CD44: variants seen among roughly 807,000 people sequenced by gnomAD.
The protein encoded by CD44 is CD44 molecule (IN blood group), also known as CD44 antigen.
CD44 carries 49 observed loss-of-function variants against 88.8 expected under a neutral mutation model. The ratio of observed to expected loss-of-function variants is 0.55; its 90% CI spans 0.44 to 0.70. CD44 has a LOEUF of 0.70. Ranked by LOEUF, CD44 falls within the 30% of genes least tolerant of loss-of-function variation. The pLI, the probability that CD44 is intolerant of heterozygous loss-of-function variation, is 0.00. For missense variants in CD44, 883 were observed against 913.8 expected, an observed-to-expected ratio of 0.97 and a Z score of 0.43; for synonymous variants, 325 against 312.3, an observed-to-expected ratio of 1.04 and a Z score of -0.43.
intron 1 of CD44, among the ~76,000 whole-genome samples, chr11:35,155,091 G>A (rs563799554): frequency 3.9e-5 from 6 of 152,182 alleles, no homozygotes; most frequent in African/African-American, 1.2e-4. Flanking sequence ...TTGGAGGAGC[G>A]GCTTTTTGGG....
chr11:35,184,383 A>G (rs539787587), intron 3 of CD44, among the ~76,000 whole-genome samples: 1 of 152,296 alleles, frequency 6.6e-6, no homozygotes, highest in East Asian at 1.9e-4. Context: ...TGTTACTTGC[A>G]GTTATATTTG....
chr11:35,139,409 G>A, intron 1 of CD44, 39 bp downstream of exon 1: 6 of 1,538,208 alleles, frequency 3.9e-6, no homozygotes, highest in Non-Finnish European at 2.6e-6. Flanking sequence ...AGATGGGTGC[G>A]GGGTGCTCAG....
intron 5 of CD44, 106 bp from the exon 6 acceptor site, chr11:35,196,640 A>G: frequency 8.2e-7 from 1 of 1,221,930 alleles, no homozygotes; most frequent in Non-Finnish European, 1.1e-6. Context: ...TATATCAAAT[A>G]TAGATGATTC....
At chr11:35,206,938 T>A (rs1047643061) in intron 11 of CD44, among the ~76,000 whole-genome samples, 10 of 152,192 alleles carry the variant, frequency 6.6e-5, no homozygotes, top group African/African-American at 1.2e-4. Flanking sequence ...ATTAATTCTA[T>A]GTACTGATGA....
At chr11:35,170,701 T>C (rs951695947) in intron 1 of CD44, among the ~76,000 whole-genome samples, 2 of 152,334 alleles carry the variant, frequency 1.3e-5, no homozygotes, top group South Asian at 2.1e-4. Context: ...GTTTGAGAGA[T>C]GCAATCAGCC....
chr11:35,187,228 C>T (rs1378484719), intron 4 of CD44, among the ~76,000 whole-genome samples: 3 of 151,838 alleles, frequency 2.0e-5, no homozygotes, highest in Non-Finnish European at 4.4e-5. Context: ...GAGCTGAGAT[C>T]GTGCCACTGC....
chr11:35,145,165 A>G (rs1858867147), intron 1 of CD44, among the ~76,000 whole-genome samples: 1 of 152,238 alleles, frequency 6.6e-6, no homozygotes, highest in Admixed American at 6.5e-5. Context: ...AACAAATTCC[A>G]ATGTATCTTC....
intron 17 of CD44, among the ~76,000 whole-genome samples, chr11:35,223,620 G>A (rs1464725440): frequency 1.3e-5 from 2 of 152,112 alleles, no homozygotes; most frequent in Admixed American, 6.5e-5. Flanking sequence ...CGGCAAACAG[G>A]GACACACAGG....
chr11:35,203,571 T>C (rs1238625933), intron 9 of CD44, among the ~76,000 whole-genome samples: 1 of 152,146 alleles, frequency 6.6e-6, no homozygotes, highest in Non-Finnish European at 1.5e-5. Context: ...ATGAGGACAG[T>C]TATATTTTTT....
At position 35,211,421 on chromosome 11, in the gene CD44, C is replaced by T. The variant is rs1948377012; in HGVS notation, c.1782C>T (p.Ser594=). The change falls in exon 14 of 18, where the codon TCC becomes TCT. Residue 594 remains serine, a synonymous_variant. Transcript: ENST00000428726. The stretch of plus-strand genomic sequence containing the variant: ...TTACTGCAGTTACTGTTGGAGATTC[C>T]AACTCTAATGTCAATCGTTCCTTAT... ...FGVTAVTVGD[S]NSNVNRSLSG... is the part of the protein sequence containing the mutation. The T allele has an allele frequency of 6.2e-7, 1 of 1,613,762 alleles. No individual in the cohort carries two copies. Among genetic ancestry groups the T allele is most frequent in the Non-Finnish European group, 8.5e-7 (1 of 1,179,780 alleles).
intron 1 of CD44, among the ~76,000 whole-genome samples, chr11:35,160,893 G>A (rs1267859599): frequency 2.0e-5 from 3 of 152,176 alleles, no homozygotes; most frequent in Non-Finnish European, 4.4e-5. Flanking sequence ...TTAGAATGGT[G>A]TTTTATAAAG....
intron 9 of CD44, among the ~76,000 whole-genome samples, chr11:35,203,694 T>A (rs1947532076): frequency 6.6e-6 from 1 of 151,880 alleles, no homozygotes; most frequent in Non-Finnish European, 1.5e-5. Context: ...TAGACTCTCA[T>A]TTTCTTGATA....
At chr11:35,182,115 T>C (rs1034022363) in intron 3 of CD44, among the ~76,000 whole-genome samples, 6 of 145,214 alleles carry the variant, frequency 4.1e-5, no homozygotes, top group African/African-American at 1.3e-4. Context: ...ACCATATATA[T>C]GGTAGTAAAA....
chr11:35,229,546 T>G lies in CD44; in HGVS notation c.*213T>G, dbSNP rs1949957470. The G allele has an allele frequency of 7.4e-6, 4 of 543,280 alleles. No homozygotes were observed. Among genetic ancestry groups the G allele is most frequent in the Non-Finnish European group, 1.3e-5 (4 of 305,320 alleles). 33.7% of individuals were successfully genotyped at this position (543,280 alleles called of 1,614,324 possible). ...ATTGCTTTCTGAAATTAGGGCCCAATTAATAATCAGCAAGAATTTGATCGT... is the reference window on the plus strand; with the variant it reads ...ATTGCTTTCTGAAATTAGGGCCCAAGTAATAATCAGCAAGAATTTGATCGT... On this transcript the variant is annotated 3_prime_UTR_variant, in exon 18 of 18. Coordinates refer to ENST00000428726, the MANE Select transcript of CD44 (RefSeq NM_000610.4).
intron 5 of CD44, among the ~76,000 whole-genome samples, chr11:35,191,854 C>G (rs1946303132): frequency 6.6e-6 from 1 of 152,180 alleles, no homozygotes; most frequent in Non-Finnish European, 1.5e-5. Flanking sequence ...TTTTGAGAAC[C>G]TACTACGTAC....
In CD44 at chr11:35,218,115, T is replaced by C. The variant is rs116471648; in HGVS notation, c.1874-1201T>C. On this transcript the variant is annotated intron_variant, in intron 15 of 17. Transcript: ENST00000428726. Reference sequence around the variant, plus strand: ...TTAGAAGTTTCTTTTAGAACCATTGTGTCTCCCTCATTTCGATAGGCCTCC... The same window carrying C: ...TTAGAAGTTTCTTTTAGAACCATTGCGTCTCCCTCATTTCGATAGGCCTCC... 4.2e-3 allele frequency among the ~76,000 whole-genome samples: 641 copies of C among 152,066 alleles called. 3 individuals carry two copies. The highest frequency in any genetic ancestry group is 0.015 in the African/African-American group (623 of 41,472).
chr11:35,208,792 C>G (rs896293232), intron 12 of CD44, among the ~76,000 whole-genome samples: 1 of 152,176 alleles, frequency 6.6e-6, no homozygotes, highest in African/African-American at 2.4e-5. Context: ...AATTTCTACT[C>G]TATGTGCAGG....
At chr11:35,208,955 G>T (rs1029511026) in intron 12 of CD44, among the ~76,000 whole-genome samples, 1 of 152,166 alleles carries the variant, frequency 6.6e-6, no homozygotes, top group Non-Finnish European at 1.5e-5. Context: ...AAATCAGCAA[G>T]CATGTATTGA....
intron 1 of CD44, among the ~76,000 whole-genome samples, chr11:35,176,039 AT>A (rs201610565): frequency 0.19 from 19,772 of 101,492 alleles, 1,097 homozygotes; most frequent in Admixed American, 0.23. Context: ...TAATTTTTGT[AT>A]TTTTTTTTTT....
Sources: allele counts gnomAD v4.1 joint callset (sites outside exome capture counted in the v4.1 genomes callset), GRCh38; gene constraint gnomAD v4.1.1; transcripts MANE v1.5; gene names NCBI Gene and HGNC (gene_info 2026-07-23, HGNC 2026-07-21).